ZNF432: variants seen among roughly 807,000 people sequenced by gnomAD.
ZNF432 encodes the protein zinc finger protein 432.
Under a neutral mutation model 13.9 loss-of-function variants are expected in ZNF432, and 10 were observed. The observed-to-expected ratio is 0.72, with a 90% confidence interval of 0.44 to 1.22. The LOEUF (loss-of-function observed/expected upper bound fraction) is 1.22, where lower values mean the gene tolerates loss of function less well. Ranked by LOEUF, ZNF432 falls within the 50% of genes most tolerant of loss-of-function variation. The pLI is 0.00. For missense variants in ZNF432, 793 were observed against 796.2 expected (o/e 1.00, Z 0.05); for synonymous variants, 247 against 256.2 (o/e 0.96, Z 0.34).
rs763501463 is a variant in ZNF432 at position 52,041,604 on chromosome 19, T to C, written c.18A>G (p.Glu6=). The change falls in exon 3 of 5, where the codon GAA becomes GAG. Residue 6 remains glutamate, a splice_region_variant and synonymous_variant. Transcript: ENST00000221315. ...CAGTAACATCCTCCAGTGTCAGCAA[T>C]TCCTGTAAGAAAACAGAGCCTTGCT... The part of the protein sequence containing the change: MINAQ[E]LLTLEDVTVE... 1.2e-6 allele frequency: 2 copies of C among 1,614,170 alleles called. No individual in the cohort carries two copies. Among genetic ancestry groups the C allele is most frequent in the Non-Finnish European group, 1.7e-6 (2 of 1,180,008 alleles).
chr19:52,038,851 G>A (rs185151584), intron 4 of ZNF432, among the ~76,000 whole-genome samples: 375 of 152,368 alleles, frequency 2.5e-3, no homozygotes, highest in African/African-American at 8.8e-3. Flanking sequence ...GAATGTCCTG[G>A]CCCATAGGAG....
At chr19:52,042,879 A>C (rs61501168) in intron 2 of ZNF432, among the ~76,000 whole-genome samples, 3,086 of 152,304 alleles carry the variant, frequency 0.02, 102 homozygotes, top group African/African-American at 0.07. Flanking sequence ...ATGCATTACC[A>C]TCAAAAGAAA....
rs16959910 is a variant in ZNF432 at position 52,047,838 on chromosome 19, A to G, written c.-192-778T>C. Reference sequence around the variant, plus strand: ...AATAGCCGCCTTTATATACTAACATACAAAACCTGAAACACCCATAAAAAT... The same window carrying G: ...AATAGCCGCCTTTATATACTAACATGCAAAACCTGAAACACCCATAAAAAT... On this transcript the variant is annotated intron_variant, in intron 1 of 4. Coordinates refer to ENST00000221315, the MANE Select transcript of ZNF432 (RefSeq NM_014650.4). Among the ~76,000 whole-genome samples the G allele has an allele frequency of 5.3e-3, 803 of 152,264 alleles. 6 individuals carry two copies. Among genetic ancestry groups the G allele is most frequent in the African/African-American group, 0.019 (769 of 41,550 alleles).
At chr19:52,035,734 T>C (rs1308451167) in intron 4 of ZNF432, among the ~76,000 whole-genome samples, 3 of 152,078 alleles carry the variant, frequency 2.0e-5, no homozygotes, top group Non-Finnish European at 2.9e-5. Context: ...GGTTTCAATA[T>C]GTTGGCCAGG....
intron 4 of ZNF432, among the ~76,000 whole-genome samples, chr19:52,036,136 G>T (rs1255023652): frequency 6.6e-6 from 1 of 152,178 alleles, no homozygotes; most frequent in Non-Finnish European, 1.5e-5. Context: ...GGTGGAAAAG[G>T]CAACTGATTC....
chr19:52,043,197 A>C (rs2087151439), intron 2 of ZNF432, among the ~76,000 whole-genome samples: 1 of 152,010 alleles, frequency 6.6e-6, no homozygotes, highest in Admixed American at 6.6e-5. Context: ...GACATAGGAG[A>C]CTCCATTTTG....
intron 3 of ZNF432, among the ~76,000 whole-genome samples, chr19:52,040,815 T>TA (rs906778712): frequency 9.4e-5 from 14 of 148,808 alleles, no homozygotes; most frequent in South Asian, 2.1e-4. Flanking sequence ...AATACAATAA[T>TA]AAAAAAAAAT....
chr19:52,043,864 C>T (rs1197146748), intron 2 of ZNF432, among the ~76,000 whole-genome samples: 1 of 152,162 alleles, frequency 6.6e-6, no homozygotes, highest in Non-Finnish European at 1.5e-5. Flanking sequence ...CTGACCCTCT[C>T]CCCACTATTG....
At chr19:52,048,183 A>ACACAC (rs67232726) in intron 1 of ZNF432, among the ~76,000 whole-genome samples, 32 of 145,450 alleles carry the variant, frequency 2.2e-4, no homozygotes, top group East Asian at 4.1e-4. Context: ...ACACACACAC[A>ACACAC]AAACCAGCCA....
rs1732114805 is a variant in ZNF432, at chr19:52,031,574, C to T, written c.*2146G>A. The T allele has an allele frequency of 6.6e-6, 1 of 152,194 alleles. No individual in the cohort carries two copies. Among genetic ancestry groups the T allele is most frequent in the Non-Finnish European group, 1.5e-5 (1 of 68,024 alleles). The allele number at this position is 152,194 out of a possible 1,614,324, so 9.4% of individuals were successfully genotyped here. A position where few individuals can be genotyped will look rare whatever the true frequency, so the allele number is the denominator to read the frequency against. On this transcript the variant is annotated 3_prime_UTR_variant, in exon 5 of 5. Transcript: ENST00000221315. ...TCTTAAGGGTAATTTGCTGAGTGAA[C>T]AAAGCCCTATCTCAAAGCTTGCGTA...
At chr19:52,046,632 C>T (rs993997828) in intron 2 of ZNF432, among the ~76,000 whole-genome samples, 1 of 152,176 alleles carries the variant, frequency 6.6e-6, no homozygotes, top group Non-Finnish European at 1.5e-5. Context: ...CAGATGCAAA[C>T]TGAGAGCTAA....
At position 52,034,485 on chromosome 19, in the gene ZNF432, C is replaced by A; in HGVS notation, c.1194G>T (p.Glu398Asp). 6.2e-7 allele frequency: 1 copy of A among 1,614,116 alleles called. No individual in the cohort carries two copies. Among genetic ancestry groups the A allele is most frequent in the Non-Finnish European group, 8.5e-7 (1 of 1,180,016 alleles). The change falls in exon 5 of 5, where the codon GAG becomes GAT. Residue 398 changes from glutamate to aspartate, a missense_variant. Transcript: ENST00000221315. The part of the protein sequence containing the change: ...MIEHQRTHTG[E>D]KPYICSECGK... ...CACATTCACTGCATATGTAGGGTTT[C>A]TCTCCTGTATGAGTTCGTTGATGTT...
At chr19:52,045,108 G>T (rs34366131) in intron 2 of ZNF432, among the ~76,000 whole-genome samples, 1 of 152,150 alleles carries the variant, frequency 6.6e-6, no homozygotes, top group African/African-American at 2.4e-5. Flanking sequence ...GCCACAGGTT[G>T]TACAAGCTTG....
At chr19:52,038,729 A>G (rs936111297) in intron 4 of ZNF432, among the ~76,000 whole-genome samples, 3 of 152,066 alleles carry the variant, frequency 2.0e-5, no homozygotes, top group Non-Finnish European at 4.4e-5. Context: ...TAACCCCTTT[A>G]TTGTTAATTT....
In ZNF432 at chr19:52,034,394, A is replaced by G. The variant is rs1568519693; in HGVS notation, c.1285T>C (p.Tyr429His). The change falls in exon 5 of 5, where the codon TAT becomes CAT. Residue 429 changes from tyrosine to histidine, a missense_variant. Physicochemically the swap from Tyr to His is moderately conservative, Grantham distance 83. Coordinates refer to ENST00000221315, the MANE Select transcript of ZNF432 (RefSeq NM_014650.4). ...HQRNHTVEKS[Y>H]LCSECGKGFT... Reference sequence around the variant, plus strand: ...CCTTTTCCACATTCACTACATAGATATGACTTCTCTACTGTATGATTTCTC... The same window carrying G: ...CCTTTTCCACATTCACTACATAGATGTGACTTCTCTACTGTATGATTTCTC... The G allele has an allele frequency of 1.2e-6, 2 of 1,613,910 alleles. No homozygotes were observed. Among genetic ancestry groups the G allele is most frequent in the East Asian group, 2.2e-5 (1 of 44,862 alleles).
chr19:52,041,730 G>T, intron 2 of ZNF432, 124 bp from the exon 3 acceptor site: 1 of 1,131,648 alleles, frequency 8.8e-7, no homozygotes, highest in Non-Finnish European at 1.2e-6. Context: ...TAAGTCTATT[G>T]TATTTTTTAA....
At position 52,041,571 on chromosome 19, in the gene ZNF432, G is replaced by A; in HGVS notation, c.51C>T (p.Phe17=). Residue 17 remains phenylalanine, a synonymous_variant, in exon 3 of 5, where the codon TTC becomes TTT. Transcript: ENST00000221315. ...LLTLEDVTVE[F]TWEEWQLLGP... is the part of the protein sequence containing the mutation. ...CCAGGAGCTGCCACTCCTCCCAGGT[G>A]AACTCCACAGTAACATCCTCCAGTG... 1 of 1,613,958 alleles carries A rather than the reference G, an allele frequency of 6.2e-7. No individual in the cohort carries two copies. The highest frequency in any genetic ancestry group is 8.5e-7 in the Non-Finnish European group (1 of 1,179,932).
chr19:52,041,366 T>G (rs1332008925), intron 3 of ZNF432, 114 bp downstream of exon 3: 1 of 1,357,082 alleles, frequency 7.4e-7, no homozygotes, highest in Non-Finnish European at 9.9e-7. Flanking sequence ...AGCCAGAGGA[T>G]GTGCCAAAAA....
chr19:52,040,434 G>T, intron 4 of ZNF432, 54 bp downstream of exon 4: 1 of 1,496,110 alleles, frequency 6.7e-7, no homozygotes, highest in Non-Finnish European at 9.3e-7. Context: ...CACCCACAGA[G>T]CCTTCTTTCA....
Sources: gnomAD v4.1 joint callset for allele counts (sites outside exome capture counted in the v4.1 genomes callset) on GRCh38, gnomAD v4.1.1 for gene constraint, MANE v1.5 for transcripts, NCBI Gene and HGNC (gene_info 2026-07-23, HGNC 2026-07-21) for gene names.